Variants in IL37 observed in about 807,000 individuals in gnomAD.
IL37 encodes interleukin 37.
In IL37, 15 loss-of-function variants were observed where a neutral mutation model predicts 15.4. The observed-to-expected ratio is 0.98, with a 90% CI of 0.65 to 1.50. The LOEUF (loss-of-function observed/expected upper bound fraction) is 1.50. Ranked by LOEUF, IL37 falls within the 40% of genes most tolerant of loss-of-function variation. The pLI is 0.00. For synonymous variants in IL37, 98 were observed against 97.4 expected, an observed-to-expected ratio of 1.01 and a Z score of -0.03; for missense variants, 269 against 261.7, an observed-to-expected ratio of 1.03 and a Z score of -0.19.
intron 1 of IL37, among the ~76,000 whole-genome samples, chr2:112,911,635 G>A (rs1468870376): frequency 6.6e-6 from 1 of 152,188 alleles, no homozygotes; most frequent in Non-Finnish European, 1.5e-5. Flanking sequence ...TGCTTCTTTA[G>A]GGAATTCTGT....
chr2:112,917,730 T>C lies in IL37; in HGVS notation c.361T>C (p.Tyr121His), dbSNP rs188118882. Reference protein sequence around the residue: ...LGVSKGEFCLYCDKDKGQSHP... With the variant: ...LGVSKGEFCLHCDKDKGQSHP... Reference sequence around the variant, plus strand: ...GGTCTCTAAAGGGGAGTTTTGTCTCTACTGTGACAAGGATAAAGGACAAAG... The same window carrying C: ...GGTCTCTAAAGGGGAGTTTTGTCTCCACTGTGACAAGGATAAAGGACAAAG... The change falls in exon 5 of 6, where the codon TAC becomes CAC. Residue 121 changes from tyrosine (Y) to histidine (H), a missense_variant. Tyr to His is a moderately conservative substitution (Grantham distance 83, BLOSUM62 2). Coordinates refer to ENST00000263326, the MANE Select transcript of IL37 (RefSeq NM_014439.4). 3 of 1,614,100 alleles carry C rather than the reference T, an allele frequency of 1.9e-6. No homozygotes were observed. Among genetic ancestry groups the C allele is most frequent in the Non-Finnish European group, 2.5e-6 (3 of 1,179,946 alleles).
intron 3 of IL37, 63 bp from the exon 4 acceptor site, chr2:112,917,066 G>A (rs1683327738): frequency 6.3e-7 from 1 of 1,590,338 alleles, no homozygotes; most frequent in Non-Finnish European, 8.6e-7. Context: ...TGGACGTGGG[G>A]AAGAAAGGGC....
chr2:112,917,079 A>T, intron 3 of IL37, 50 bp from the exon 4 acceptor site: 1 of 1,604,120 alleles, frequency 6.2e-7, no homozygotes, highest in Non-Finnish European at 8.5e-7. Flanking sequence ...GAAAGGGCTG[A>T]GTCTTCCATT....
At chr2:112,915,352 G>A (rs1027362627) in intron 3 of IL37, 11 of 1,057,872 alleles carry the variant, frequency 1.0e-5, no homozygotes, top group African/African-American at 9.6e-5. Flanking sequence ...AATCTCAGGA[G>A]TGTGAGGCCC....
chr2:112,917,148 A>C lies in IL37; in HGVS notation c.165A>C (p.Leu55Phe). Residue 55 changes from leucine (L) to phenylalanine (F), a missense_variant, in exon 4 of 6, where the codon TTA becomes TTC. Leu to Phe is a conservative substitution (Grantham distance 22, BLOSUM62 0). Transcript: ENST00000263326. ...ATCTAGGTCCAAAGGTGAAGAACTT[A>C]AACCCGAAGAAATTCAGCATTCATG... Reference protein sequence around the residue: ...FVHTSPKVKNLNPKKFSIHDQ... With the variant: ...FVHTSPKVKNFNPKKFSIHDQ... 6.2e-7 allele frequency: 1 copy of C among 1,614,088 alleles called. No individual in the cohort carries two copies. The highest frequency in any genetic ancestry group is 1.3e-5 in the African/African-American group (1 of 75,050).
At chr2:112,915,138 A>G (rs374718149) in intron 3 of IL37, 314 of 1,535,838 alleles carry the variant, frequency 2.0e-4, no homozygotes, top group Non-Finnish European at 2.6e-4. Flanking sequence ...ATCATGAGCG[A>G]GAACACCACT....
chr2:112,918,613 T>C lies in IL37; in HGVS notation c.461T>C (p.Phe154Ser), dbSNP rs1683379192. 8.7e-6 allele frequency: 14 copies of C among 1,613,676 alleles called. No individual in the cohort carries two copies. The East Asian group carries it at 3.1e-4, about 36-fold the overall frequency. ...CAAAAGGAATCAGCACGCCGGCCCTTCATCTTTTATAGGGCTCAGGTGGGC... is the reference window on the plus strand; with the variant it reads ...CAAAAGGAATCAGCACGCCGGCCCTCCATCTTTTATAGGGCTCAGGTGGGC... The part of the protein sequence containing the change: ...AAQKESARRP[F>S]IFYRAQVGSW... The change falls in exon 6 of 6, where the codon TTC becomes TCC. Residue 154 changes from phenylalanine (F) to serine (S), a missense_variant. Coordinates refer to ENST00000263326, the MANE Select transcript of IL37 (RefSeq NM_014439.4).
chr2:112,917,806 C>T (rs564709901), intron 5 of IL37, 29 bp downstream of exon 5: 1 of 1,612,982 alleles, frequency 6.2e-7, no homozygotes, highest in South Asian at 1.1e-5. Flanking sequence ...TTTCCTGGGC[C>T]TTTGGCTACC....
intron 2 of IL37, 100 bp from the exon 3 acceptor site, chr2:112,913,676 GCTGCTCTAGTATTTCT>G: frequency 1.3e-6 from 1 of 763,726 alleles, no homozygotes. Flanking sequence ...TTACTATCAT[GCTGCTCTAGTATTTCT>G]CAGCACATAC....
chr2:112,914,511 G>C (rs1261572694), intron 3 of IL37, among the ~76,000 whole-genome samples: 1 of 152,226 alleles, frequency 6.6e-6, no homozygotes, highest in Non-Finnish European at 1.5e-5. Flanking sequence ...TCTAGTGCAG[G>C]TTCATGTGGG....
chr2:112,918,820 C>T lies in IL37; in HGVS notation c.*11C>T, dbSNP rs745647187. 1.2e-6 allele frequency: 2 copies of T among 1,603,264 alleles called. No homozygotes were observed. The highest frequency in any genetic ancestry group is 2.2e-5 in the South Asian group (2 of 90,684). ...GAGGTCAGCGATTAGGAAACTGCCC[C>T]ATTGAACGCCTTCCTCGCTAATTTG... is the stretch of plus-strand genomic sequence containing the variant. On this transcript the variant is annotated 3_prime_UTR_variant, in exon 6 of 6. Coordinates refer to ENST00000263326, the MANE Select transcript of IL37 (RefSeq NM_014439.4).
intron 3 of IL37, chr2:112,915,389 C>A: frequency 1.4e-6 from 1 of 728,736 alleles, no homozygotes; most frequent in Non-Finnish European, 2.3e-6. Flanking sequence ...AAAATGCCAC[C>A]CACCAGGTGA....
Position 112,917,789 on chromosome 2 carries a change from A to G in IL37, c.408+12A>G, listed in dbSNP as rs375215039. On this transcript the variant is annotated intron_variant, in intron 5 of 5. Coordinates refer to ENST00000263326, the MANE Select transcript of IL37 (RefSeq NM_014439.4). ...CCCTTCAGCTGAAGGTGAGAGTTCT[A>G]GCTCAGTTTCCTGGGCCTTTGGCTA... is the stretch of plus-strand genomic sequence containing the variant. The G allele has an allele frequency of 6.2e-7, 1 of 1,613,830 alleles. No individual in the cohort carries two copies. The highest frequency in any genetic ancestry group is 8.5e-7 in the Non-Finnish European group (1 of 1,179,956).
Position 112,916,140 on chromosome 2 carries a change from C to A in IL37, c.146-989C>A, listed in dbSNP as rs1683305774. Among the ~76,000 whole-genome samples the A allele has an allele frequency of 2.6e-5, 4 of 152,346 alleles. No homozygotes were observed. In the Middle Eastern group the frequency reaches 0.01, roughly 389 times the overall value. On this transcript the variant is annotated intron_variant, in intron 3 of 5. Transcript: ENST00000263326. ...CATGGGAAAAGAATGACACCTTAGA[C>A]TTATTCTCTACATTAGAATTGCCTA...
intron 3 of IL37, among the ~76,000 whole-genome samples, chr2:112,916,494 G>A (rs926523452): frequency 1.3e-5 from 2 of 152,140 alleles, no homozygotes; most frequent in African/African-American, 2.4e-5. Context: ...AGGGCCAGGT[G>A]CAAGATTTGT....
chr2:112,916,606 C>T (rs536724943), intron 3 of IL37, among the ~76,000 whole-genome samples: 1 of 152,290 alleles, frequency 6.6e-6, no homozygotes, highest in African/African-American at 2.4e-5. Flanking sequence ...CATCACCGCT[C>T]CCTTAGCCTG....
At chr2:112,911,894 G>T (rs771070975) in intron 1 of IL37, among the ~76,000 whole-genome samples, 1 of 152,140 alleles carries the variant, frequency 6.6e-6, no homozygotes, top group African/African-American at 2.4e-5. Context: ...AAAGGCAGTT[G>T]TGCTTCATGT....
rs372100854 is a variant in IL37, at chr2:112,917,733, T to C, written c.364T>C (p.Cys122Arg). ...CTCTAAAGGGGAGTTTTGTCTCTAC[T>C]GTGACAAGGATAAAGGACAAAGTCA... is the stretch of plus-strand genomic sequence containing the variant. ...GVSKGEFCLY[C>R]DKDKGQSHPS... Residue 122 changes from cysteine to arginine, a missense_variant, in exon 5 of 6, where the codon TGT (cysteine) becomes CGT (arginine). Coordinates refer to ENST00000263326, the MANE Select transcript of IL37 (RefSeq NM_014439.4). 5 of 1,614,144 alleles carry C rather than the reference T, an allele frequency of 3.1e-6. No individual in the cohort carries two copies. Among genetic ancestry groups the C allele is most frequent in the Non-Finnish European group, 4.2e-6 (5 of 1,179,976 alleles).
At chr2:112,918,312 CGT>C (rs1491416135) in intron 5 of IL37, among the ~76,000 whole-genome samples, 4 of 62,134 alleles carry the variant, frequency 6.4e-5, no homozygotes, top group South Asian at 7.5e-4. Context: ...CTGACTCTTA[CGT>C]CTCTCTCTCT....
Sources: gnomAD v4.1 joint callset for allele counts (sites outside exome capture counted in the v4.1 genomes callset) on GRCh38, gnomAD v4.1.1 for gene constraint, MANE v1.5 for transcripts, NCBI Gene and HGNC (gene_info 2026-07-23, HGNC 2026-07-21) for gene names.